TEF: variants seen among roughly 807,000 people sequenced by gnomAD.
TEF encodes thyrotroph embryonic factor.
A neutral mutation model predicts 20.8 loss-of-function variants in TEF; 3 were observed. The ratio of observed to expected loss-of-function variants is 0.14; its 90% confidence interval spans 0.07 to 0.37. The LOEUF is 0.37. Ranked by LOEUF, TEF falls within the 10% of genes least tolerant of loss-of-function variation. The pLI, the probability that TEF is intolerant of heterozygous loss-of-function variation, is 1.00. For missense variants in TEF, 296 were observed against 397.9 expected, an observed-to-expected ratio of 0.74 and a Z score of 2.18; for synonymous variants, 180 against 171.1, an observed-to-expected ratio of 1.05 and a Z score of -0.41.
chr22:41,388,410 T>C (rs1364863872), intron 2 of TEF, among the ~76,000 whole-genome samples: 1 of 151,810 alleles, frequency 6.6e-6, no homozygotes, highest in Non-Finnish European at 1.5e-5. Context: ...TTAGTAGAGA[T>C]GGGGTTTTGC....
intron 2 of TEF, among the ~76,000 whole-genome samples, chr22:41,389,856 C>A (rs908450614): frequency 1.6e-4 from 24 of 151,936 alleles, no homozygotes; most frequent in Non-Finnish European, 3.4e-4. Flanking sequence ...GAAGGACATT[C>A]TGATTTTGGT....
rs1424572032 is a variant in TEF, at chr22:41,394,308, G to C, written c.688G>C (p.Glu230Gln). ...GGCCAAGAAGGTCTTTGTCCCCGAC[G>C]AGCAGAAGGTAACCTGGTATTCCTT... ...KKAKKVFVPD[E>Q]QKDEKYWTRR... The change falls in exon 3 of 4, where the codon GAG becomes CAG. Residue 230 changes from glutamate to glutamine, a missense_variant. This residue lies in a region of TEF where 194 missense variants were observed against 317.8 expected (regional missense o/e 0.61). Transcript: ENST00000266304. The C allele has an allele frequency of 1.2e-6, 2 of 1,613,602 alleles. No individual in the cohort carries two copies. The highest frequency in any genetic ancestry group is 1.7e-6 in the Non-Finnish European group (2 of 1,179,920).
upstream of TEF, among the ~76,000 whole-genome samples, chr22:41,380,303 C>A (rs1325368218): frequency 6.6e-6 from 1 of 152,158 alleles, no homozygotes; most frequent in East Asian, 1.9e-4. Context: ...CAGGCGCCAG[C>A]CACCATGCCC....
At chr22:41,392,613 G>A (rs2037180462) in intron 2 of TEF, among the ~76,000 whole-genome samples, 1 of 143,174 alleles carries the variant, frequency 7.0e-6, no homozygotes, top group Admixed American at 7.5e-5. Flanking sequence ...GGTCAAGGTT[G>A]CAGTGAGCTG....
rs1428434976 is a variant in TEF at position 41,398,398 on chromosome 22, A to G, written c.*2438A>G. ...TCTGTCAGTCACTGGAGGCTAGAGA[A>G]GTTGACTTTACCTTGGCTTTCTGTG... On this transcript the variant is annotated 3_prime_UTR_variant, in exon 4 of 4. Coordinates refer to ENST00000266304, the MANE Select transcript of TEF (RefSeq NM_003216.4). 6.5e-6 allele frequency: 1 copy of G among 153,642 alleles called. No homozygotes were observed. The highest frequency in any genetic ancestry group is 1.5e-5 in the Non-Finnish European group (1 of 68,038). The allele number at this position is 153,642 out of a possible 1,614,324, so 9.5% of individuals were successfully genotyped here. A position where few individuals can be genotyped will look rare whatever the true frequency, so the allele number is the denominator to read the frequency against.
chr22:41,367,847 G>A (rs548689325), intron 1 of TEF, among the ~76,000 whole-genome samples: 3 of 152,174 alleles, frequency 2.0e-5, no homozygotes, highest in Admixed American at 6.5e-5. Flanking sequence ...CCACTGACAG[G>A]TGCTGTGCTC....
At chr22:41,372,503 G>A (rs1317655808) in intron 1 of TEF, among the ~76,000 whole-genome samples, 2 of 152,098 alleles carry the variant, frequency 1.3e-5, no homozygotes, top group Non-Finnish European at 2.9e-5. Context: ...TAAGGACATC[G>A]ACGCTCAGAG....
chr22:41,374,394 C>G (rs1396794529), intron 1 of TEF, among the ~76,000 whole-genome samples: 1 of 151,524 alleles, frequency 6.6e-6, no homozygotes, highest in Non-Finnish European at 1.5e-5. Context: ...ACTGAAAATA[C>G]AAAAAAAATT....
At chr22:41,382,485 C>T (rs2037045741) in intron 1 of TEF, among the ~76,000 whole-genome samples, 1 of 151,988 alleles carries the variant, frequency 6.6e-6, no homozygotes, top group Non-Finnish European at 1.5e-5. Flanking sequence ...AGGGCCCCTC[C>T]CCCGGGGCCA....
chr22:41,383,585 C>T (rs2037061427), intron 1 of TEF, among the ~76,000 whole-genome samples: 2 of 152,208 alleles, frequency 1.3e-5, no homozygotes, highest in African/African-American at 4.8e-5. Flanking sequence ...GGTGCTTCCT[C>T]AAGGTCACAC....
Position 41,381,959 on chromosome 22 carries a change from C to T in TEF, c.-86C>T, listed in dbSNP as rs992450628. ...GCGCCTGCGCAGTAGCTGCCCGTGTCGGCAGCTGCAGCGGGTCGCACGGCT... is the reference window on the plus strand; with the variant it reads ...GCGCCTGCGCAGTAGCTGCCCGTGTTGGCAGCTGCAGCGGGTCGCACGGCT... On this transcript the variant is annotated 5_prime_UTR_variant, in exon 1 of 4. Coordinates refer to ENST00000266304, the MANE Select transcript of TEF (RefSeq NM_003216.4). 4.9e-6 allele frequency: 6 copies of T among 1,226,976 alleles called. No individual in the cohort carries two copies. The highest frequency in any genetic ancestry group is 4.2e-5 in the South Asian group (1 of 23,992). The allele number at this position is 1,226,976 out of a possible 1,614,324, so 76.0% of individuals were successfully genotyped here.
At chr22:41,381,817 G>A (rs574257808), upstream of TEF, 5 of 1,148,738 alleles carry the variant, frequency 4.4e-6, no homozygotes, top group South Asian at 1.8e-4. Flanking sequence ...CCCTCTCGCA[G>A]GCTGGACCAA....
At chr22:41,373,185 A>G (rs2036903267) in intron 1 of TEF, among the ~76,000 whole-genome samples, 1 of 152,210 alleles carries the variant, frequency 6.6e-6, no homozygotes, top group Admixed American at 6.5e-5. Flanking sequence ...AGCACATGCT[A>G]TAGGCCAGGT....
intron 3 of TEF, 61 bp from the exon 4 acceptor site, chr22:41,395,684 G>A (rs2037218628): frequency 1.3e-6 from 2 of 1,557,248 alleles, no homozygotes. Context: ...TGGTGGGAGT[G>A]GAAAAATTGG....
upstream of TEF, among the ~76,000 whole-genome samples, chr22:41,378,689 C>G (rs1006600431): frequency 6.6e-6 from 1 of 151,684 alleles, no homozygotes; most frequent in South Asian, 2.1e-4. Context: ...CCAGGCTGGT[C>G]TCGAACTCCT....
At chr22:41,381,559 G>A (rs894575432), upstream of TEF, among the ~76,000 whole-genome samples, 2 of 152,232 alleles carry the variant, frequency 1.3e-5, no homozygotes, top group East Asian at 1.9e-4. Flanking sequence ...GTTGCAAGTC[G>A]GGGACAAGAG....
rs1424572032 is a variant in TEF, at chr22:41,394,308, G to A, written c.688G>A (p.Glu230Lys). ...GGCCAAGAAGGTCTTTGTCCCCGAC[G>A]AGCAGAAGGTAACCTGGTATTCCTT... ...KKAKKVFVPD[E>K]QKDEKYWTRR... Residue 230 changes from glutamate (E) to lysine (K), a missense_variant, in exon 3 of 4, where the codon GAG (glutamate) becomes AAG (lysine). Glu to Lys is a moderately conservative substitution (Grantham distance 56). This residue lies in a region of TEF where 194 missense variants were observed against 317.8 expected (regional missense o/e 0.61). Coordinates refer to ENST00000266304, the MANE Select transcript of TEF (RefSeq NM_003216.4). 1.9e-6 allele frequency: 3 copies of A among 1,613,720 alleles called. No individual in the cohort carries two copies. The highest frequency in any genetic ancestry group is 2.2e-5 in the East Asian group (1 of 44,884).
At chr22:41,393,522 C>T (rs1197283144) in intron 2 of TEF, among the ~76,000 whole-genome samples, 3 of 151,992 alleles carry the variant, frequency 2.0e-5, no homozygotes, top group Non-Finnish European at 2.9e-5. Context: ...TTTGGGAGGC[C>T]AAGGCAGGCG....
At chr22:41,370,218 A>G (rs1387980506) in intron 1 of TEF, 3 of 499,600 alleles carry the variant, frequency 6.0e-6, no homozygotes, top group Non-Finnish European at 7.8e-6. Context: ...GGGTTCAAGC[A>G]ATTCTCCTGC....
Sources: allele counts gnomAD v4.1 joint callset (sites outside exome capture counted in the v4.1 genomes callset), GRCh38; gene constraint gnomAD v4.1.1; regional missense constraint gnomAD v4.1.1; transcripts MANE v1.5; gene names NCBI Gene and HGNC (gene_info 2026-07-23, HGNC 2026-07-21).